FHIT: variants seen among roughly 807,000 people sequenced by gnomAD.
FHIT encodes fragile histidine triad diadenosine triphosphatase.
In FHIT, 19 loss-of-function variants were observed where a neutral mutation model predicts 17.9. The observed-to-expected ratio is 1.06, with a 90% CI of 0.74 to 1.56. FHIT has a LOEUF of 1.56. FHIT is among the 40% of genes most tolerant of loss of function. The probability of loss-of-function intolerance (pLI) is 0.00; values close to 1 mark genes in which losing one functional copy is unlikely to be tolerated. For synonymous variants in FHIT, 81 were observed against 69.7 expected (o/e 1.16, Z -0.81); for missense variants, 248 against 189.2 (o/e 1.31, Z -1.82).
chr3:61,050,722 C>T (rs11130811), intron 2 of FHIT, among the ~76,000 whole-genome samples: 20,189 of 152,130 alleles, frequency 0.13, 1,412 homozygotes, highest in South Asian at 0.18. Context: ...GGATGATGCA[C>T]GCATGGGTGT....
At chr3:61,010,770 T>C (rs1314626296) in intron 3 of FHIT, among the ~76,000 whole-genome samples, 1 of 152,208 alleles carries the variant, frequency 6.6e-6, no homozygotes, top group Non-Finnish European at 1.5e-5. Context: ...AGTTAATTGG[T>C]TCTAAGGTTT....
chr3:59,919,804 A>C (rs538051773), intron 8 of FHIT, among the ~76,000 whole-genome samples: 1 of 152,204 alleles, frequency 6.6e-6, no homozygotes, highest in Admixed American at 6.5e-5. Flanking sequence ...GCTCCCATCA[A>C]TATAAAGAAT....
At chr3:60,467,520 T>C (rs1394501758) in intron 5 of FHIT, among the ~76,000 whole-genome samples, 2 of 152,034 alleles carry the variant, frequency 1.3e-5, no homozygotes, top group African/African-American at 4.8e-5. Context: ...ATACATTGCG[T>C]TTCCATTTTC....
chr3:61,067,181 A>G (rs1391668227), intron 2 of FHIT, among the ~76,000 whole-genome samples: 5 of 152,142 alleles, frequency 3.3e-5, no homozygotes, highest in African/African-American at 4.8e-5. Context: ...GCTACAAGAA[A>G]ATGTCCAGAA....
chr3:60,569,755 A>AGATATATATTTTT (rs1553654910), intron 4 of FHIT, among the ~76,000 whole-genome samples: 1 of 77,344 alleles, frequency 1.3e-5, no homozygotes, highest in Non-Finnish European at 2.3e-5. Context: ...ATATATATAT[A>AGATATATATTTTT]TTTTTTTTTT....
chr3:60,056,353 T>A (rs1702081155), intron 5 of FHIT, among the ~76,000 whole-genome samples: 1 of 152,192 alleles, frequency 6.6e-6, no homozygotes, highest in South Asian at 2.1e-4. Context: ...TGCCTGAGAG[T>A]AACCATTTAA....
chr3:60,925,918 T>TA (rs1180887284), intron 3 of FHIT, among the ~76,000 whole-genome samples: 1 of 152,074 alleles, frequency 6.6e-6, no homozygotes, highest in Admixed American at 6.5e-5. Context: ...TAGTCTCTGA[T>TA]AAACAGACTT....
chr3:60,529,855 G>A lies in FHIT; in HGVS notation c.103+7005C>T, dbSNP rs560618543. On this transcript the variant is annotated intron_variant, in intron 5 of 9. Transcript: ENST00000492590. ...TATCATTCTACCATTCACTAGAATT[G>A]GAGAAAGAACACCCCTAATATCCCT... is the stretch of plus-strand genomic sequence containing the variant. Among the ~76,000 whole-genome samples, 5 of 152,250 alleles carry A rather than the reference G, an allele frequency of 3.3e-5. No homozygotes were observed. In the East Asian group the frequency reaches 9.7e-4, roughly 29 times the overall value.
intron 4 of FHIT, among the ~76,000 whole-genome samples, chr3:60,591,600 G>C (rs2038086329): frequency 6.6e-6 from 1 of 151,972 alleles, no homozygotes; most frequent in Admixed American, 6.6e-5. Context: ...TCAAAATCCA[G>C]GTACATTCAT....
At chr3:60,438,048 G>T (rs187551197) in intron 5 of FHIT, among the ~76,000 whole-genome samples, 1 of 151,958 alleles carries the variant, frequency 6.6e-6, no homozygotes, top group African/African-American at 2.4e-5. Context: ...ATTACATGAG[G>T]CAGGATAAGT....
chr3:60,373,844 A>G (rs577128907), intron 5 of FHIT, among the ~76,000 whole-genome samples: 5 of 152,322 alleles, frequency 3.3e-5, no homozygotes, highest in African/African-American at 1.2e-4. Flanking sequence ...CATGGAAGAA[A>G]AGATTAAAGG....
chr3:60,180,401 C>A (rs186036055), intron 5 of FHIT, among the ~76,000 whole-genome samples: 2 of 152,252 alleles, frequency 1.3e-5, no homozygotes, highest in Admixed American at 1.3e-4. Flanking sequence ...TTAAGGGCCA[C>A]CTGCTGTTCC....
chr3:59,989,384 C>G (rs1709127925), intron 7 of FHIT, among the ~76,000 whole-genome samples: 1 of 151,978 alleles, frequency 6.6e-6, no homozygotes, highest in South Asian at 2.1e-4. Context: ...GGGAACAAAG[C>G]AAGGCCCCAG....
intron 2 of FHIT, among the ~76,000 whole-genome samples, chr3:61,100,038 A>G (rs547017724): frequency 1.2e-4 from 18 of 152,110 alleles, no homozygotes; most frequent in Non-Finnish European, 1.2e-4. Context: ...CTATTTCCCT[A>G]ATGACAGATA....
At chr3:60,299,181 G>T (rs922416693) in intron 5 of FHIT, among the ~76,000 whole-genome samples, 1 of 152,018 alleles carries the variant, frequency 6.6e-6, no homozygotes, top group Non-Finnish European at 1.5e-5. Flanking sequence ...ACATTTAATC[G>T]TATTCTTTGA....
Position 59,986,114 on chromosome 3 carries a change from T to C in FHIT, c.279+25257A>G, listed in dbSNP as rs558920709. 2.8e-3 allele frequency among the ~76,000 whole-genome samples: 426 copies of C among 152,120 alleles called. 1 individual carries two copies. Among genetic ancestry groups the C allele is most frequent in the Middle Eastern group, 6.8e-3 (2 of 294 alleles). ...TAACGGCAAAAAGAAAAAAGCACTATCAATAGCGGTTCACACTTTATGGCT... is the reference window on the plus strand; with the variant it reads ...TAACGGCAAAAAGAAAAAAGCACTACCAATAGCGGTTCACACTTTATGGCT... On this transcript the variant is annotated intron_variant, in intron 7 of 9. Transcript: ENST00000492590.
intron 3 of FHIT, among the ~76,000 whole-genome samples, chr3:60,911,660 T>C (rs1706752740): frequency 6.6e-6 from 1 of 152,164 alleles, no homozygotes; most frequent in Non-Finnish European, 1.5e-5. Flanking sequence ...AGCCAGCAAG[T>C]GAAGAGATGT....
intron 2 of FHIT, among the ~76,000 whole-genome samples, chr3:61,077,044 A>G (rs994048324): frequency 2.5e-4 from 38 of 152,168 alleles, no homozygotes; most frequent in African/African-American, 8.9e-4. Flanking sequence ...TATTATTTAA[A>G]TAAACTCCAT....
intron 2 of FHIT, among the ~76,000 whole-genome samples, chr3:61,191,091 AT>A (rs1407622786): frequency 3.3e-5 from 5 of 151,720 alleles, no homozygotes; most frequent in African/African-American, 9.7e-5. Context: ...TAAAAAAAAA[AT>A]AAAATAAAAA....
Sources: allele counts gnomAD v4.1 joint callset (sites outside exome capture counted in the v4.1 genomes callset), GRCh38; gene constraint gnomAD v4.1.1; transcripts MANE v1.5; gene names NCBI Gene and HGNC (gene_info 2026-07-23, HGNC 2026-07-21).